The following ANAPC11 variants were observed in gnomAD, a reference collection of about 807,000 sequenced individuals.
ANAPC11 encodes anaphase promoting complex subunit 11.
In ANAPC11, 5 loss-of-function variants were observed where a neutral mutation model predicts 11.8. The ratio of observed to expected loss-of-function variants is 0.42; its 90% CI spans 0.22 to 0.89. The LOEUF (loss-of-function observed/expected upper bound fraction) is 0.89. ANAPC11 is among the 40% of genes least tolerant of loss of function. The pLI is 0.28. For missense variants in ANAPC11, 68 were observed against 112.9 expected, an observed-to-expected ratio of 0.60 and a Z score of 1.80; for synonymous variants, 45 against 41.0, an observed-to-expected ratio of 1.10 and a Z score of -0.38.
chr17:81,893,806 A>G (rs1325206796), intron 2 of ANAPC11, among the ~76,000 whole-genome samples, 192 bp downstream of exon 2: 3 of 136,636 alleles, frequency 2.2e-5, no homozygotes, highest in South Asian at 2.3e-4. Context: ...TGTGTTACAC[A>G]GGCTGGTCTC....
At chr17:81,899,839 A>G in intron 3 of ANAPC11, 81 bp from the exon 4 acceptor site, 1 of 1,419,474 alleles carries the variant, frequency 7.0e-7, no homozygotes, top group Non-Finnish European at 9.6e-7. Flanking sequence ...CAGGGTCCCT[A>G]CCTGCACCCC....
At chr17:81,893,919 C>T (rs1017985965) in intron 2 of ANAPC11, among the ~76,000 whole-genome samples, 2 of 151,906 alleles carry the variant, frequency 1.3e-5, no homozygotes. Flanking sequence ...GCTGTTCTCC[C>T]GTAGCTCCCC....
rs560855221 is a variant in ANAPC11 at position 81,892,641 on chromosome 17, G to T, written c.-75+800G>T. ...GGGTTCAAGCGAGTCTCCAGCGGCA[G>T]CCTCCCGAGTAGCTGGGACTACAGG... is the stretch of plus-strand genomic sequence containing the variant. On this transcript the variant is annotated intron_variant, in intron 1 of 3. Transcript: ENST00000344877. 2.7e-5 allele frequency among the ~76,000 whole-genome samples: 4 copies of T among 149,578 alleles called. No individual in the cohort carries two copies. In the South Asian group the frequency reaches 8.4e-4, roughly 31 times the overall value.
chr17:81,896,518 C>T (rs2039748919), intron 3 of ANAPC11, among the ~76,000 whole-genome samples: 1 of 152,126 alleles, frequency 6.6e-6, no homozygotes, highest in South Asian at 2.1e-4. Context: ...CCGAAATGAG[C>T]GTAAAGCAGA....
upstream of ANAPC11, chr17:81,890,998 G>A (rs780164277): frequency 5.7e-4 from 535 of 945,056 alleles, no homozygotes; most frequent in Non-Finnish European, 7.4e-4. Context: ...CGGTCCCACC[G>A]CGGCCGCACA....
chr17:81,897,633 T>C (rs1007377372), intron 3 of ANAPC11, among the ~76,000 whole-genome samples: 6 of 152,098 alleles, frequency 3.9e-5, no homozygotes, highest in Admixed American at 1.3e-4. Context: ...TGCTCCACAA[T>C]GCCTGGCTAA....
Position 81,899,951 on chromosome 17 carries a change from G to T in ANAPC11, c.141G>T (p.Val47=). The change falls in exon 4 of 4, where the codon GTG becomes GTT. Residue 47 remains valine (V), a synonymous_variant. Transcript: ENST00000344877. ...CKVPGDDCPL[V]WGQCSHCFHM... ...TGCCCGGCGACGACTGCCCGCTGGT[G>T]TGGGGCCAGTGCTCCCACTGCTTCC... 1 of 1,611,702 alleles carries T rather than the reference G, an allele frequency of 6.2e-7. No individual in the cohort carries two copies. Among genetic ancestry groups the T allele is most frequent in the Non-Finnish European group, 8.5e-7 (1 of 1,178,810 alleles).
chr17:81,894,162 G>C (rs1393152513), intron 2 of ANAPC11: 1 of 190,890 alleles, frequency 5.2e-6, no homozygotes, highest in Non-Finnish European at 1.1e-5. Context: ...TATAGCCTCA[G>C]CTACTCAGGA....
chr17:81,895,270 C>T (rs1461547829), intron 3 of ANAPC11, among the ~76,000 whole-genome samples: 2 of 151,852 alleles, frequency 1.3e-5, no homozygotes. Context: ...AGGCTGGTCT[C>T]GAACTGTCAA....
intron 3 of ANAPC11, 199 bp from the exon 4 acceptor site, chr17:81,899,721 C>A: frequency 1.0e-6 from 1 of 956,356 alleles, no homozygotes; most frequent in South Asian, 1.7e-5. Flanking sequence ...GTCCCTTGGT[C>A]ATTGCTGGTC....
upstream of ANAPC11, chr17:81,891,698 G>T: frequency 2.0e-6 from 2 of 996,634 alleles, no homozygotes; most frequent in Non-Finnish European, 2.5e-6. Flanking sequence ...CTGCGCGCGC[G>T]GGACGGGGTG....
intron 3 of ANAPC11, among the ~76,000 whole-genome samples, chr17:81,896,612 G>A (rs956558068): frequency 6.6e-6 from 1 of 151,974 alleles, no homozygotes; most frequent in Non-Finnish European, 1.5e-5. Flanking sequence ...TGGGGAATGG[G>A]GAGGACCGAG....
chr17:81,897,086 C>T (rs1485011990), intron 3 of ANAPC11, among the ~76,000 whole-genome samples: 3 of 152,088 alleles, frequency 2.0e-5, no homozygotes, highest in East Asian at 3.9e-4. Flanking sequence ...CTGCAACTTC[C>T]GCCTCCCTAG....
At chr17:81,900,279 T>C, downstream of ANAPC11, 2 of 672,774 alleles carry the variant, frequency 3.0e-6, no homozygotes, top group East Asian at 5.7e-5. Flanking sequence ...GGTGCCTGTG[T>C]TCTCGGCATA....
At chr17:81,899,874 G>T in intron 3 of ANAPC11, 46 bp from the exon 4 acceptor site, 1 of 1,577,424 alleles carries the variant, frequency 6.3e-7, no homozygotes, top group Non-Finnish European at 8.6e-7. Context: ...CATGCTCTGT[G>T]TCCAGCCTGG....
rs560954512 is a variant in ANAPC11 at position 81,897,220 on chromosome 17, C to T, written c.109+2634C>T. ...TTCACCATGTTGGCCAGGATGGTCT[C>T]GATCTCTTGACCTCGTGATCCGCCC... On this transcript the variant is annotated intron_variant, in intron 3 of 3. Transcript: ENST00000344877. Among the ~76,000 whole-genome samples the T allele has an allele frequency of 1.1e-4, 16 of 152,160 alleles. No individual in the cohort carries two copies. The South Asian group carries it at 3.3e-3, about 32-fold the overall frequency.
Position 81,893,630 on chromosome 17 carries a change from T to A in ANAPC11, c.-12+16T>A, listed in dbSNP as rs2039630708. The A allele has an allele frequency of 6.6e-6, 1 of 152,210 alleles. No individual in the cohort carries two copies. The highest frequency in any genetic ancestry group is 2.4e-5 in the African/African-American group (1 of 41,458). The allele number at this position is 152,210 out of a possible 1,614,324, so 9.4% of individuals were successfully genotyped here. ...TCAACGTGAGGTAAAACCAAACTCC[T>A]GACTGTCCTGTGCTCCCAAATGTGA... On this transcript the variant is annotated intron_variant, in intron 2 of 3. Coordinates refer to ENST00000344877, the MANE Select transcript of ANAPC11 (RefSeq NM_001002248.3).
chr17:81,899,475 CTTGACCATTCATGTGACCTT>C (rs1322283967), intron 3 of ANAPC11: 2 of 1,613,912 alleles, frequency 1.2e-6, no homozygotes, highest in Admixed American at 3.3e-5. Flanking sequence ...TCCTTGGTGC[CTTGACCATTCATGTGACCTT>C]TTTGGCATCA....
At chr17:81,896,249 C>T (rs992135331) in intron 3 of ANAPC11, among the ~76,000 whole-genome samples, 3 of 151,910 alleles carry the variant, frequency 2.0e-5, no homozygotes, top group Non-Finnish European at 4.4e-5. Context: ...GGTAAAATCC[C>T]GTCTCTACTA....
Sources: gnomAD v4.1 joint callset for allele counts (sites outside exome capture counted in the v4.1 genomes callset) on GRCh38, gnomAD v4.1.1 for gene constraint, MANE v1.5 for transcripts, NCBI Gene and HGNC (gene_info 2026-07-23, HGNC 2026-07-21) for gene names.